MAPK10: variants seen among roughly 807,000 people sequenced by gnomAD.
The protein encoded by MAPK10 is JNK3 alpha protein kinase.
In MAPK10, 25 loss-of-function variants were observed where a neutral mutation model predicts 59.3. The ratio of observed to expected loss-of-function variants is 0.42; its 90% CI spans 0.31 to 0.59. The LOEUF is 0.59. MAPK10 is among the 20% of genes least tolerant of loss of function. The pLI is 0.15. For missense variants in MAPK10, 351 were observed against 568.9 expected, an observed-to-expected ratio of 0.62 and a Z score of 3.90; for synonymous variants, 190 against 200.5, an observed-to-expected ratio of 0.95 and a Z score of 0.44.
At position 86,218,581 on chromosome 4, in the gene MAPK10, A is replaced by C. The variant is rs1033026477; in HGVS notation, c.-6-24174T>G. On this transcript the variant is annotated intron_variant, in intron 2 of 13. Transcript: ENST00000641462. ...ATAAGACTTAAGCAAAAAAAAAAAA[A>C]AAAAAACACTTTGGGCAATTAATTT... Among the ~76,000 whole-genome samples the C allele has an allele frequency of 1.6e-4, 25 of 152,202 alleles. No homozygotes were observed. In the South Asian group the frequency reaches 3.7e-3, roughly 23 times the overall value.
At chr4:86,284,692 A>G (rs2148807417) in intron 2 of MAPK10, among the ~76,000 whole-genome samples, 1 of 152,336 alleles carries the variant, frequency 6.6e-6, no homozygotes, top group East Asian at 1.9e-4. Flanking sequence ...GATGCTAATG[A>G]TTGTTATCAG....
intron 11 of MAPK10, among the ~76,000 whole-genome samples, chr4:86,063,717 A>G (rs1031856337): frequency 7.9e-5 from 12 of 152,202 alleles, no homozygotes; most frequent in Non-Finnish European, 1.6e-4. Flanking sequence ...GGTATCAGAC[A>G]TGGAGATACA....
At chr4:86,548,484 A>C (rs1188639952) in intron 1 of MAPK10, among the ~76,000 whole-genome samples, 4 of 152,132 alleles carry the variant, frequency 2.6e-5, no homozygotes, top group Non-Finnish European at 5.9e-5. Flanking sequence ...TGTCCCCACT[A>C]AATTTCATGT....
chr4:86,174,960 A>G (rs2075337878), intron 3 of MAPK10, among the ~76,000 whole-genome samples: 1 of 152,126 alleles, frequency 6.6e-6, no homozygotes, highest in African/African-American at 2.4e-5. Context: ...GGGCCTCATT[A>G]TCACAATGAT....
At chr4:86,071,501 T>G (rs975092826) in intron 9 of MAPK10, among the ~76,000 whole-genome samples, 5 of 145,988 alleles carry the variant, frequency 3.4e-5, no homozygotes, top group Admixed American at 1.4e-4. Context: ...GCCTAGGTTT[T>G]CTTCTAGGGT....
At chr4:86,351,418 C>A (rs1194139608) in intron 2 of MAPK10, among the ~76,000 whole-genome samples, 1 of 151,570 alleles carries the variant, frequency 6.6e-6, no homozygotes, top group East Asian at 1.9e-4. Context: ...CACACACACA[C>A]ACACACACAC....
chr4:86,585,810 A>G (rs1762619505), intron 1 of MAPK10, among the ~76,000 whole-genome samples: 1 of 152,188 alleles, frequency 6.6e-6, no homozygotes. Context: ...TCTACTAGAC[A>G]TTATAGGGGG....
Position 86,017,344 on chromosome 4 carries a change from G to T in MAPK10, c.1279C>A (p.Leu427Ile), listed in dbSNP as rs1278338502. 1 of 1,614,048 alleles carries T rather than the reference G, an allele frequency of 6.2e-7. No individual in the cohort carries two copies. The highest frequency in any genetic ancestry group is 1.3e-5 in the African/African-American group (1 of 74,922). ...TCATTGACAGACGAGGATGGAGGGA[G>T]ACTCTCACTGCTGTTCACTGCTGCA... ...SGAAVNSSES[L>I]PPSSSVNDIS... The change falls in exon 14 of 14, where the codon CTC (leucine) becomes ATC (isoleucine). Residue 427 changes from leucine (L) to isoleucine (I), a missense_variant. Leu to Ile is a conservative substitution (Grantham distance 5). Around this residue, in one of 5 missense-constraint regions of MAPK10, gnomAD observed 155 missense variants for 204.2 expected, o/e 0.76. Transcript: ENST00000641462. The surrounding 1 kb of genome is among the most constrained non-coding windows in gnomAD (Gnocchi z 4.4).
At chr4:86,555,044 TTC>T (rs1760149625) in intron 1 of MAPK10, among the ~76,000 whole-genome samples, 1 of 152,274 alleles carries the variant, frequency 6.6e-6, no homozygotes, top group African/African-American at 2.4e-5. Flanking sequence ...AAAGTTCATC[TTC>T]TCTGTCAAGC....
intron 2 of MAPK10, among the ~76,000 whole-genome samples, chr4:86,275,717 C>T (rs1413462548): frequency 6.6e-6 from 1 of 151,986 alleles, no homozygotes; most frequent in Non-Finnish European, 1.5e-5. Context: ...AGCATACAAC[C>T]AATAATATGT....
chr4:86,357,947 A>G (rs1199184526), intron 1 of MAPK10: 2 of 317,430 alleles, frequency 6.3e-6, no homozygotes, highest in Non-Finnish European at 9.1e-6. Context: ...AGGTCACACC[A>G]CCTTTGTCAT....
At chr4:86,592,089 G>A (rs1763085212) in intron 1 of MAPK10, among the ~76,000 whole-genome samples, 1 of 151,966 alleles carries the variant, frequency 6.6e-6, no homozygotes, top group Admixed American at 6.6e-5. Context: ...TCAAGCATAT[G>A]AGAAAATTTT....
intron 2 of MAPK10, among the ~76,000 whole-genome samples, chr4:86,207,911 T>C (rs1450368877): frequency 6.6e-6 from 1 of 152,154 alleles, no homozygotes; most frequent in Non-Finnish European, 1.5e-5. Flanking sequence ...TCCTGAGACT[T>C]TGCTGAAGTT....
At chr4:86,498,658 T>G (rs1401581287) in intron 1 of MAPK10, among the ~76,000 whole-genome samples, 1 of 152,138 alleles carries the variant, frequency 6.6e-6, no homozygotes, top group African/African-American at 2.4e-5. Flanking sequence ...ATAATAAGAA[T>G]TTAGAATTAA....
At chr4:86,031,618 C>T in intron 11 of MAPK10, 187 bp from the exon 12 acceptor site, 1 of 516,250 alleles carries the variant, frequency 1.9e-6, no homozygotes, top group Non-Finnish European at 3.4e-6. Context: ...ATTCATATTG[C>T]AATATTTGCT....
intron 9 of MAPK10, among the ~76,000 whole-genome samples, chr4:86,098,231 C>A (rs1169386736): frequency 6.6e-5 from 10 of 152,088 alleles, no homozygotes; most frequent in South Asian, 2.1e-4. Context: ...ATATTTTAAT[C>A]ATTTGGGATC....
intron 12 of MAPK10, among the ~76,000 whole-genome samples, chr4:86,029,857 C>T (rs150735995): frequency 5.2e-4 from 79 of 151,744 alleles, no homozygotes; most frequent in African/African-American, 1.8e-3. Context: ...TAAATCTAAA[C>T]TTGCCAAAAA....
upstream of MAPK10, among the ~76,000 whole-genome samples, chr4:86,360,673 T>C (rs1344232521): frequency 1.3e-5 from 2 of 152,316 alleles, no homozygotes; most frequent in East Asian, 3.9e-4. Context: ...AATTCTTTTT[T>C]TTTTAATTGC....
chr4:86,394,326 T>C (rs1742635541), intron 1 of MAPK10, among the ~76,000 whole-genome samples: 1 of 152,110 alleles, frequency 6.6e-6, no homozygotes. Context: ...CTTATTCCTC[T>C]TGAGCAAATA....
Sources: allele counts gnomAD v4.1 joint callset (sites outside exome capture counted in the v4.1 genomes callset), GRCh38; gene constraint gnomAD v4.1.1; regional missense constraint gnomAD v4.1.1; non-coding constraint Gnocchi (gnomAD v3.1); transcripts MANE v1.5; gene names NCBI Gene and HGNC (gene_info 2026-07-23, HGNC 2026-07-21).